The following MVB12B variants were observed in gnomAD, a reference collection of about 807,000 sequenced individuals.
The protein encoded by MVB12B is multivesicular body subunit 12B.
MVB12B carries 16 observed loss-of-function variants against 41.6 expected under a neutral mutation model. That is an observed-to-expected ratio of 0.38 (90% CI 0.26 to 0.58). The LOEUF is 0.58. MVB12B is among the 20% of genes least tolerant of loss of function. The pLI, the probability that MVB12B is intolerant of heterozygous loss-of-function variation, is 0.62. For missense variants in MVB12B, 274 were observed against 380.2 expected, an observed-to-expected ratio of 0.72 and a Z score of 2.32; for synonymous variants, 133 against 139.7, an observed-to-expected ratio of 0.95 and a Z score of 0.34.
At chr9:126,476,961 T>G (rs568251346) in intron 7 of MVB12B, among the ~76,000 whole-genome samples, 27 of 152,010 alleles carry the variant, frequency 1.8e-4, no homozygotes, top group African/African-American at 4.3e-4. Context: ...TATATATTTG[T>G]GTGTTAGGCT....
At chr9:126,337,243 C>T (rs368298416) in intron 1 of MVB12B, among the ~76,000 whole-genome samples, 16 of 152,236 alleles carry the variant, frequency 1.1e-4, no homozygotes, top group African/African-American at 3.6e-4. Context: ...CTGCTCGCAC[C>T]GTGCCATAGA....
At position 126,481,625 on chromosome 9, in the gene MVB12B, G is replaced by C. The variant is rs529764407; in HGVS notation, c.813+201G>C. 2.6e-5 allele frequency among the ~76,000 whole-genome samples: 4 copies of C among 152,342 alleles called. No individual in the cohort carries two copies. The South Asian group carries it at 8.3e-4, about 32-fold the overall frequency. On this transcript the variant is annotated intron_variant, in intron 8 of 9. Coordinates refer to ENST00000361171, the MANE Select transcript of MVB12B (RefSeq NM_033446.3). ...TGACAGGAACTCCTGAGGTTGGGGG[G>C]TGGGTCGTGTGCATCTCTGGCCCTA...
chr9:126,478,353 C>T lies in MVB12B; in HGVS notation c.758-3016C>T, dbSNP rs554946454. On this transcript the variant is annotated intron_variant, in intron 7 of 9. Transcript: ENST00000361171. This position sits in a 1 kb window ranked among gnomAD's most constrained non-coding sequence, Gnocchi z 4.2. Reference sequence around the variant, plus strand: ...CCCTCTACCCAGTTCCCCAGATCCCCGTGCATGGGAACAGCAGCCCTCCCT... The same window carrying T: ...CCCTCTACCCAGTTCCCCAGATCCCTGTGCATGGGAACAGCAGCCCTCCCT... Among the ~76,000 whole-genome samples the T allele has an allele frequency of 3.3e-5, 5 of 152,208 alleles. No homozygotes were observed. The highest frequency in any genetic ancestry group is 2.1e-4 in the South Asian group (1 of 4,830).
chr9:126,502,241 T>C (rs1833973460), intron 9 of MVB12B, among the ~76,000 whole-genome samples: 1 of 152,156 alleles, frequency 6.6e-6, no homozygotes, highest in Non-Finnish European at 1.5e-5. Context: ...CCCAACGCCT[T>C]GCACCTGTGT....
At chr9:126,381,736 G>T (rs1365695433) in intron 3 of MVB12B, among the ~76,000 whole-genome samples, 1 of 149,894 alleles carries the variant, frequency 6.7e-6, no homozygotes, top group Non-Finnish European at 1.5e-5. Context: ...ACCTACTAAG[G>T]TTTTTTTTTT....
In MVB12B at chr9:126,470,646, CTG is replaced by C. The variant is rs143928729; in HGVS notation, c.758-10693_758-10692del. Among the ~76,000 whole-genome samples, 267 of 143,602 alleles carry C rather than the reference CTG, an allele frequency of 1.9e-3. 2 individuals carry two copies. Among genetic ancestry groups the C allele is most frequent in the African/African-American group, 5.7e-3 (224 of 39,570 alleles). 94.2% of individuals were successfully genotyped at this position (143,602 alleles called of 152,430 possible). ...GGGGAGCCTAGGAGGAGTCAGTGCT[CTG>C]TGTGTGTGTGTGTGTGTGTGTGTGT... On this transcript the variant is annotated intron_variant, in intron 7 of 9. Transcript: ENST00000361171.
chr9:126,481,308 T>G, intron 7 of MVB12B, 61 bp from the exon 8 acceptor site: 1 of 1,381,766 alleles, frequency 7.2e-7, no homozygotes, highest in Non-Finnish European at 1.0e-6. Context: ...CTTCAGTTGC[T>G]GGACAACTAA....
At chr9:126,397,322 G>C in intron 6 of MVB12B, 1 of 985,468 alleles carries the variant, frequency 1.0e-6, no homozygotes, top group Non-Finnish European at 1.2e-6. Context: ...GTGACTGTGA[G>C]AGCAAAGTCA....
At chr9:126,357,300 C>T (rs1160377177) in intron 2 of MVB12B, among the ~76,000 whole-genome samples, 1 of 152,192 alleles carries the variant, frequency 6.6e-6, no homozygotes, top group African/African-American at 2.4e-5. Context: ...TAAAGTAAAG[C>T]TGCTGTGAAC....
At chr9:126,435,613 T>C (rs1832451710) in intron 7 of MVB12B, among the ~76,000 whole-genome samples, 1 of 149,474 alleles carries the variant, frequency 6.7e-6, no homozygotes, top group Non-Finnish European at 1.5e-5. Context: ...TGGCCTTGGC[T>C]CCTTCCTTTC....
intron 6 of MVB12B, chr9:126,396,104 T>C: frequency 1.0e-6 from 1 of 994,228 alleles, no homozygotes; most frequent in South Asian, 4.6e-5. Flanking sequence ...TCTTATATTC[T>C]TCATTTTCAT....
At chr9:126,463,656 G>A (rs1312407284) in intron 7 of MVB12B, among the ~76,000 whole-genome samples, 1 of 152,084 alleles carries the variant, frequency 6.6e-6, no homozygotes, top group Non-Finnish European at 1.5e-5. Flanking sequence ...GCCTTTCCCA[G>A]GTGGCTGTCC....
At chr9:126,463,679 C>T (rs1833137255) in intron 7 of MVB12B, among the ~76,000 whole-genome samples, 1 of 152,122 alleles carries the variant, frequency 6.6e-6, no homozygotes, top group Admixed American at 6.5e-5. Flanking sequence ...TGAGGGGTCA[C>T]CTCCCAGCCT....
rs925969441 is a variant in MVB12B at position 126,436,193 on chromosome 9, T to C, written c.757+14245T>C. Reference sequence around the variant, plus strand: ...TTCTGGTTATTTTGCCAGGAGGCTCTCTCGTGTTCGGGCATTTGGGGTCCT... The same window carrying C: ...TTCTGGTTATTTTGCCAGGAGGCTCCCTCGTGTTCGGGCATTTGGGGTCCT... On this transcript the variant is annotated intron_variant, in intron 7 of 9. Coordinates refer to ENST00000361171, the MANE Select transcript of MVB12B (RefSeq NM_033446.3). This position sits in a 1 kb window ranked among gnomAD's most constrained non-coding sequence, Gnocchi z 4.1. Among the ~76,000 whole-genome samples, 1 of 152,218 alleles carries C rather than the reference T, an allele frequency of 6.6e-6. No individual in the cohort carries two copies. The highest frequency in any genetic ancestry group is 1.5e-5 in the Non-Finnish European group (1 of 68,032).
At chr9:126,431,599 T>C (rs2119115566) in intron 7 of MVB12B, among the ~76,000 whole-genome samples, 1 of 152,294 alleles carries the variant, frequency 6.6e-6, no homozygotes, top group African/African-American at 2.4e-5. Context: ...ACCTTCCCAC[T>C]GTGCTTTCCT....
intron 7 of MVB12B, among the ~76,000 whole-genome samples, chr9:126,438,971 T>A (rs1307196829): frequency 2.6e-5 from 4 of 152,052 alleles, no homozygotes; most frequent in African/African-American, 9.7e-5. Flanking sequence ...ATAGTTCTGG[T>A]CCGCCTCATC....
rs1396309168 is a variant in MVB12B, at chr9:126,480,229, C to G, written c.758-1140C>G. The stretch of plus-strand genomic sequence containing the variant: ...GGGCTCCGCGTCCCTGCACTCATGA[C>G]CAGGCCCCTAACAACTGCGGCTGCA... On this transcript the variant is annotated intron_variant, in intron 7 of 9. Coordinates refer to ENST00000361171, the MANE Select transcript of MVB12B (RefSeq NM_033446.3). This position sits in a 1 kb window ranked among gnomAD's most constrained non-coding sequence, Gnocchi z 4.9. Among the ~76,000 whole-genome samples, 1 of 152,212 alleles carries G rather than the reference C, an allele frequency of 6.6e-6. No individual in the cohort carries two copies. Among genetic ancestry groups the G allele is most frequent in the Non-Finnish European group, 1.5e-5 (1 of 68,042 alleles).
intron 1 of MVB12B, among the ~76,000 whole-genome samples, chr9:126,339,349 G>A (rs1017344312): frequency 3.2e-4 from 48 of 152,324 alleles, no homozygotes; most frequent in African/African-American, 1.1e-3. Context: ...TGAGAGATCT[G>A]GCAGACCTGC....
intron 4 of MVB12B, among the ~76,000 whole-genome samples, chr9:126,390,011 C>G (rs1346727532): frequency 6.6e-6 from 1 of 152,140 alleles, no homozygotes; most frequent in Non-Finnish European, 1.5e-5. Context: ...CACTGATTTT[C>G]TTGTCCCCCT....
Sources: gnomAD v4.1 joint callset for allele counts (sites outside exome capture counted in the v4.1 genomes callset) on GRCh38, gnomAD v4.1.1 for gene constraint, Gnocchi (gnomAD v3.1) non-coding constraint, MANE v1.5 for transcripts, NCBI Gene and HGNC (gene_info 2026-07-23, HGNC 2026-07-21) for gene names.